Variants in TNR observed in about 807,000 individuals in gnomAD.
The protein encoded by TNR is tenascin-R.
TNR carries 45 observed loss-of-function variants against 150.4 expected under a neutral mutation model. The ratio of observed to expected loss-of-function variants is 0.30; its 90% confidence interval spans 0.24 to 0.38. The LOEUF (loss-of-function observed/expected upper bound fraction) is 0.38, where lower values mean the gene tolerates loss of function less well. Among genes scored for constraint, TNR ranks in the 10% least tolerant of loss-of-function variants. TNR has a pLI of 1.00. For synonymous variants in TNR, 687 were observed against 678.4 expected, an observed-to-expected ratio of 1.01 and a Z score of -0.20; for missense variants, 1,544 against 1,759.1, an observed-to-expected ratio of 0.88 and a Z score of 2.19.
intron 1 of TNR, among the ~76,000 whole-genome samples, chr1:175,587,906 G>T (rs1662638722): frequency 6.6e-6 from 1 of 152,216 alleles, no homozygotes; most frequent in African/African-American, 2.4e-5. Context: ...GAAGCAAACA[G>T]TGAGGGCCAC....
intron 2 of TNR, among the ~76,000 whole-genome samples, chr1:175,499,564 T>G (rs1242281992): frequency 1.3e-5 from 2 of 152,328 alleles, no homozygotes; most frequent in Non-Finnish European, 2.9e-5. Flanking sequence ...CACCCTAGCT[T>G]TAGCAGATGT....
At chr1:175,706,206 G>A (rs559475027) in intron 1 of TNR, among the ~76,000 whole-genome samples, 14 of 152,228 alleles carry the variant, frequency 9.2e-5, no homozygotes, top group South Asian at 2.1e-4. Flanking sequence ...ATAGTGGTTC[G>A]GATAAAGAAG....
At chr1:175,670,113 C>T (rs761402602) in intron 1 of TNR, among the ~76,000 whole-genome samples, 3 of 152,188 alleles carry the variant, frequency 2.0e-5, no homozygotes, top group African/African-American at 4.8e-5. Context: ...TTTGAGTTTC[C>T]GGAGTATTGG....
rs114854208 is a variant in TNR, at chr1:175,421,198, T to C, written c.-63-14421A>G. 2.8e-3 allele frequency among the ~76,000 whole-genome samples: 428 copies of C among 152,288 alleles called. 1 individual carries two copies. Among genetic ancestry groups the C allele is most frequent in the African/African-American group, 0.01 (416 of 41,558 alleles). ...AGCCAGTCATTGCGGAGGGAAACTTTGCTGTTTCTCTCTATGGATTTACTC... is the reference window on the plus strand; with the variant it reads ...AGCCAGTCATTGCGGAGGGAAACTTCGCTGTTTCTCTCTATGGATTTACTC... On this transcript the variant is annotated intron_variant, in intron 2 of 22. Coordinates refer to ENST00000367674, the MANE Select transcript of TNR (RefSeq NM_003285.3).
intron 1 of TNR, among the ~76,000 whole-genome samples, chr1:175,692,088 C>T (rs182054521): frequency 1.4e-4 from 21 of 152,230 alleles, no homozygotes; most frequent in Admixed American, 1.4e-3. Flanking sequence ...AATGCTATTA[C>T]CAGAGGTGGA....
chr1:175,700,565 T>C lies in TNR; in HGVS notation c.-165+42661A>G, dbSNP rs185506651. Among the ~76,000 whole-genome samples the C allele has an allele frequency of 1.4e-4, 22 of 152,284 alleles. No homozygotes were observed. In the East Asian group the frequency reaches 4.1e-3, roughly 28 times the overall value. On this transcript the variant is annotated intron_variant, in intron 1 of 22. Transcript: ENST00000367674. Reference sequence around the variant, plus strand: ...AACTTCTGAGAAGTCTCTGTGCCTTTGGAGACGGTGCACCGTGTATGCCCA... The same window carrying C: ...AACTTCTGAGAAGTCTCTGTGCCTTCGGAGACGGTGCACCGTGTATGCCCA...
intron 1 of TNR, among the ~76,000 whole-genome samples, chr1:175,711,870 G>C (rs1667027941): frequency 6.6e-6 from 1 of 152,152 alleles, no homozygotes; most frequent in African/African-American, 2.4e-5. Context: ...GCATGTTTGG[G>C]GGATAGAATA....
At position 175,363,824 on chromosome 1, in the gene TNR, A is replaced by G. The variant is rs760158333; in HGVS notation, c.2591T>C (p.Ile864Thr). ...EPIVGSITTG[I>T]DPPKDITISN... ...AATTGTGATGTCTTTTGGGGGATCA[A>G]TTCCTACAAGGACCCAGTGATTGTG... is the stretch of plus-strand genomic sequence containing the variant. Residue 864 changes from isoleucine to threonine, a missense_variant, in exon 13 of 23, where the codon ATT (isoleucine) becomes ACT (threonine). Physicochemically the swap from Ile to Thr is moderately conservative, Grantham distance 89. Transcript: ENST00000367674. 8.7e-6 allele frequency: 14 copies of G among 1,611,288 alleles called. No homozygotes were observed. Among genetic ancestry groups the G allele is most frequent in the East Asian group, 4.5e-5 (2 of 44,714 alleles).
Position 175,317,885 on chromosome 1 carries a change from G to A in TNR, c.*5472C>T, listed in dbSNP as rs1226097855. The stretch of plus-strand genomic sequence containing the variant: ...CTTATTAAGCTTGAGGAAGGAGAGA[G>A]GATTTCCCCTTTGGAGAAAATGCAA... On this transcript the variant is annotated 3_prime_UTR_variant, in exon 23 of 23. Transcript: ENST00000367674. 1 of 152,170 alleles carries A rather than the reference G, an allele frequency of 6.6e-6. No homozygotes were observed. Among genetic ancestry groups the A allele is most frequent in the Non-Finnish European group, 1.5e-5 (1 of 68,058 alleles). 9.4% of individuals were successfully genotyped at this position (152,170 alleles called of 1,614,324 possible).
At chr1:175,493,603 C>A (rs1042072684) in intron 2 of TNR, among the ~76,000 whole-genome samples, 1 of 152,260 alleles carries the variant, frequency 6.6e-6, no homozygotes, top group Non-Finnish European at 1.5e-5. Context: ...AGGCCCCCTT[C>A]CGGACCCTTC....
intron 2 of TNR, among the ~76,000 whole-genome samples, chr1:175,430,717 T>A (rs1311683735): frequency 4.6e-5 from 7 of 152,176 alleles, no homozygotes; most frequent in African/African-American, 1.7e-4. Flanking sequence ...CTCCTTTACA[T>A]CCAAAGATAA....
rs138610688 is a variant in TNR, at chr1:175,713,137, C to A, written c.-165+30089G>T. 7.3e-3 allele frequency among the ~76,000 whole-genome samples: 1,112 copies of A among 152,284 alleles called. 14 individuals are homozygous for A. Among genetic ancestry groups the A allele is most frequent in the African/African-American group, 0.024 (999 of 41,556 alleles). On this transcript the variant is annotated intron_variant, in intron 1 of 22. Coordinates refer to ENST00000367674, the MANE Select transcript of TNR (RefSeq NM_003285.3). ...TAGGCTGGGATCAACCAAGGTAAGT[C>A]TTTCCTATGAGGCTTAGGAGGTTAA...
rs560592580 is a variant in TNR, at chr1:175,698,561, C to T, written c.-165+44665G>A. On this transcript the variant is annotated intron_variant, in intron 1 of 22. Coordinates refer to ENST00000367674, the MANE Select transcript of TNR (RefSeq NM_003285.3). ...GTGGGAAATAAGAGGTGGTGTCGGC[C>T]GGGTGCAGTGGCTCATGCCTGTAAT... Among the ~76,000 whole-genome samples the T allele has an allele frequency of 5.3e-5, 8 of 152,128 alleles. 1 individual carries two copies. The highest frequency in any genetic ancestry group is 1.7e-4 in the African/African-American group (7 of 41,510).
At chr1:175,351,031 A>G (rs770545346) in intron 18 of TNR, among the ~76,000 whole-genome samples, 11 of 152,210 alleles carry the variant, frequency 7.2e-5, no homozygotes, top group Admixed American at 6.5e-5. Flanking sequence ...CTAAAAAGAA[A>G]TTAGCCTCTA....
chr1:175,657,537 T>C (rs1297591165), intron 1 of TNR, among the ~76,000 whole-genome samples: 2 of 151,900 alleles, frequency 1.3e-5, no homozygotes, highest in Non-Finnish European at 2.9e-5. Context: ...CCAACAATGA[T>C]AGACCGGATT....
intron 9 of TNR, among the ~76,000 whole-genome samples, chr1:175,375,519 T>C (rs1050499617): frequency 8.5e-5 from 13 of 152,058 alleles, no homozygotes; most frequent in African/African-American, 3.1e-4. Context: ...CTGGACTCTG[T>C]GTGGCAGAGG....
At chr1:175,686,499 T>C (rs1666204819) in intron 1 of TNR, among the ~76,000 whole-genome samples, 1 of 152,228 alleles carries the variant, frequency 6.6e-6, no homozygotes, top group South Asian at 2.1e-4. Flanking sequence ...TTTTATTTTA[T>C]TATAGATTCT....
intron 1 of TNR, among the ~76,000 whole-genome samples, chr1:175,541,818 A>G (rs555391444): frequency 5.3e-5 from 8 of 152,300 alleles, no homozygotes; most frequent in Admixed American, 2.0e-4. Flanking sequence ...AGTCTCTCTA[A>G]GCTTCCATTT....
chr1:175,483,549 T>C (rs1462239688), intron 2 of TNR, among the ~76,000 whole-genome samples: 2 of 151,986 alleles, frequency 1.3e-5, no homozygotes, highest in African/African-American at 4.8e-5. Context: ...ACTGTGTAAA[T>C]ACAAGCCAGA....
Sources: allele counts gnomAD v4.1 joint callset (sites outside exome capture counted in the v4.1 genomes callset), GRCh38; gene constraint gnomAD v4.1.1; transcripts MANE v1.5; gene names NCBI Gene and HGNC (gene_info 2026-07-23, HGNC 2026-07-21).